The following RNASEH2B variants were observed in gnomAD, a reference collection of about 807,000 sequenced individuals.
RNASEH2B encodes the protein ribonuclease H2 subunit B.
A neutral mutation model predicts 45.0 loss-of-function variants in RNASEH2B; 36 were observed. The observed-to-expected ratio is 0.80, with a 90% CI of 0.61 to 1.06. The LOEUF (loss-of-function observed/expected upper bound fraction) is 1.06. RNASEH2B is among the 50% of genes least tolerant of loss of function. The pLI is 0.00. For synonymous variants in RNASEH2B, 119 were observed against 125.7 expected (o/e 0.95, Z 0.35); for missense variants, 361 against 360.3 (o/e 1.00, Z -0.02).
At position 50,956,524 on chromosome 13, in the gene RNASEH2B, G is replaced by C. The variant is rs1952053115; in HGVS notation, c.*50G>C. On this transcript the variant is annotated 3_prime_UTR_variant, in exon 11 of 11. Transcript: ENST00000336617. ...AAATATTTGCTTTTTACATGTTTCA[G>C]TTTGTCCTTCCTGACTGTTAATGAC... The C allele has an allele frequency of 4.5e-6, 7 of 1,560,932 alleles. No homozygotes were observed. The highest frequency in any genetic ancestry group is 6.1e-6 in the Non-Finnish European group (7 of 1,149,434).
chr13:50,954,027 T>C (rs1167597013), intron 10 of RNASEH2B, 42 bp downstream of exon 10: 1 of 1,176,994 alleles, frequency 8.5e-7, no homozygotes, highest in African/African-American at 1.5e-5. Context: ...TCATACTCAG[T>C]GCGTGATGTG....
At chr13:50,962,474 T>C (rs1340203138) in intron 9 of RNASEH2B, among the ~76,000 whole-genome samples, 2 of 152,192 alleles carry the variant, frequency 1.3e-5, no homozygotes, top group African/African-American at 4.8e-5. Flanking sequence ...TTGATCTAGG[T>C]TGTCAAATTT....
chr13:50,956,585 T>G lies in RNASEH2B; in HGVS notation c.*111T>G. The stretch of plus-strand genomic sequence containing the variant: ...TGGGGGAAGGAAGAGGCCAATTTCA[T>G]GTTCTCTTAAACATTTCTTTGCATT... On this transcript the variant is annotated 3_prime_UTR_variant, in exon 11 of 11. Coordinates refer to ENST00000336617, the MANE Select transcript of RNASEH2B (RefSeq NM_024570.4). 6.6e-7 allele frequency: 1 copy of G among 1,513,338 alleles called. No homozygotes were observed. The highest frequency in any genetic ancestry group is 8.9e-7 in the Non-Finnish European group (1 of 1,128,796). 93.7% of individuals were successfully genotyped at this position (1,513,338 alleles called of 1,614,324 possible). A position where few individuals can be genotyped will look rare whatever the true frequency, so the allele number is the denominator to read the frequency against.
chr13:50,935,210 C>T (rs543741671), intron 5 of RNASEH2B: 6 of 563,016 alleles, frequency 1.1e-5, no homozygotes, highest in Admixed American at 3.0e-5. Context: ...CTAGGGCCTA[C>T]GTCCACAGGG....
intron 1 of RNASEH2B, chr13:50,912,029 AAG>A (rs1879434207): frequency 6.6e-6 from 1 of 152,134 alleles, no homozygotes; most frequent in African/African-American, 2.4e-5. Context: ...GGGTTGTGGG[AAG>A]AGTTTCAGTT....
At chr13:50,920,331 A>T (rs1038865383) in intron 1 of RNASEH2B, among the ~76,000 whole-genome samples, 1 of 152,176 alleles carries the variant, frequency 6.6e-6, no homozygotes, top group Admixed American at 6.5e-5. Flanking sequence ...TACAAGTGTG[A>T]GCCACCGTGC....
chr13:50,943,035 C>T (rs1951851916), intron 5 of RNASEH2B: 1 of 324,974 alleles, frequency 3.1e-6, no homozygotes, highest in African/African-American at 2.2e-5. Flanking sequence ...TTTCCTTTCA[C>T]ATTAGTTTGC....
chr13:50,970,272 G>T, exon 10 of RNASEH2B: 1 of 523,956 alleles, frequency 1.9e-6, no homozygotes. Flanking sequence ...GTATGGATGT[G>T]GTGACTTAAA....
At chr13:50,926,525 G>C (rs1421164692) in intron 1 of RNASEH2B, among the ~76,000 whole-genome samples, 1 of 152,100 alleles carries the variant, frequency 6.6e-6, no homozygotes, top group Non-Finnish European at 1.5e-5. Context: ...ATAAAAACTT[G>C]ATGGTTTTGG....
At chr13:50,948,308 T>A (rs1243980343) in intron 8 of RNASEH2B, 7 of 524,466 alleles carry the variant, frequency 1.3e-5, no homozygotes, top group Admixed American at 3.8e-5. Context: ...TTGGTCTGAT[T>A]TTAGAGGATT....
chr13:50,935,493 C>G (rs994590601), intron 5 of RNASEH2B: 3 of 176,358 alleles, frequency 1.7e-5, no homozygotes, highest in African/African-American at 7.1e-5. Flanking sequence ...GAGCAGTGAC[C>G]GCACAGTGTA....
intron 10 of RNASEH2B, chr13:50,954,777 A>G (rs1197568352): frequency 6.6e-6 from 1 of 152,224 alleles, no homozygotes; most frequent in Non-Finnish European, 1.5e-5. Context: ...GTGCTTTTCA[A>G]AAATGGAGAA....
At chr13:50,955,937 C>T (rs1952041520) in intron 10 of RNASEH2B, 1 of 177,928 alleles carries the variant, frequency 5.6e-6, no homozygotes, top group African/African-American at 2.4e-5. Context: ...TCCTTGGTTT[C>T]CCATGGAGCA....
In RNASEH2B at chr13:50,953,946, T is replaced by C. The variant is rs1432063381; in HGVS notation, c.783T>C (p.Asp261=). 6.8e-6 allele frequency: 11 copies of C among 1,608,338 alleles called. No individual in the cohort carries two copies. The highest frequency in any genetic ancestry group is 9.4e-6 in the Non-Finnish European group (11 of 1,174,842). The part of the protein sequence containing the change: ...LSDEPVEAKE[D]YTKFNTKDLK... The stretch of plus-strand genomic sequence containing the variant: ...ATGAGCCTGTAGAAGCAAAAGAAGA[T>C]TACACTAAGTTTAATACTAAAGATT... Residue 261 remains aspartate (D), a synonymous_variant, in exon 10 of 11, where the codon GAT becomes GAC. Coordinates refer to ENST00000336617, the MANE Select transcript of RNASEH2B (RefSeq NM_024570.4).
At chr13:50,929,627 C>A in intron 3 of RNASEH2B, 45 bp downstream of exon 3, 1 of 1,217,666 alleles carries the variant, frequency 8.2e-7, no homozygotes, top group Non-Finnish European at 1.2e-6. Flanking sequence ...ACACATACTC[C>A]AGCTTTTCCA....
chr13:50,935,558 C>T (rs543335462), intron 5 of RNASEH2B: 5 of 156,312 alleles, frequency 3.2e-5, no homozygotes, highest in South Asian at 1.9e-4. Context: ...TCTAATCTGG[C>T]GGGGTTGGGT....
intron 1 of RNASEH2B, among the ~76,000 whole-genome samples, chr13:50,918,390 G>A (rs973720554): frequency 6.6e-6 from 1 of 152,184 alleles, no homozygotes; most frequent in African/African-American, 2.4e-5. Context: ...GCCCGCCTCG[G>A]CCTCCCAAAG....
chr13:50,962,380 A>G (rs988484399), intron 9 of RNASEH2B, among the ~76,000 whole-genome samples: 3 of 152,156 alleles, frequency 2.0e-5, no homozygotes, highest in Non-Finnish European at 2.9e-5. Flanking sequence ...TTCAATTTCT[A>G]TAATAGATGA....
chr13:50,916,376 A>G (rs928176280), intron 1 of RNASEH2B, among the ~76,000 whole-genome samples: 5 of 152,188 alleles, frequency 3.3e-5, no homozygotes, highest in Non-Finnish European at 5.9e-5. Context: ...TAATAGAGGT[A>G]GGGGCTGTTT....
Sources: gnomAD v4.1 joint callset for allele counts (sites outside exome capture counted in the v4.1 genomes callset) on GRCh38, gnomAD v4.1.1 for gene constraint, MANE v1.5 for transcripts, NCBI Gene and HGNC (gene_info 2026-07-23, HGNC 2026-07-21) for gene names.